Variants in HERC5 observed in about 807,000 individuals in gnomAD.
The protein encoded by HERC5 is HECT and RLD domain containing E3 ubiquitin protein ligase 5.
A neutral mutation model predicts 119.6 loss-of-function variants in HERC5; 99 were observed. The ratio of observed to expected loss-of-function variants is 0.83; its 90% CI spans 0.70 to 0.98. The LOEUF (loss-of-function observed/expected upper bound fraction) is 0.98, where lower values mean the gene tolerates loss of function less well. Among genes scored for constraint, HERC5 ranks in the 50% least tolerant of loss-of-function variants. The pLI is 0.00. For synonymous variants in HERC5, 478 were observed against 445.9 expected, an observed-to-expected ratio of 1.07 and a Z score of -0.91; for missense variants, 1,267 against 1,241.3, an observed-to-expected ratio of 1.02 and a Z score of -0.31.
At position 88,487,095 on chromosome 4, in the gene HERC5, C is replaced by T. The variant is rs111323592; in HGVS notation, c.1878C>T (p.Cys626=). 9.9e-6 allele frequency: 16 copies of T among 1,610,412 alleles called. No individual in the cohort carries two copies. The highest frequency in any genetic ancestry group is 1.8e-4 in the Middle Eastern group (1 of 5,452). Residue 626 remains cysteine, a synonymous_variant, in exon 15 of 23, where the codon TGC becomes TGT. Coordinates refer to ENST00000264350, the MANE Select transcript of HERC5 (RefSeq NM_016323.4). ...ACGCTTCAGAAAATGTACAATGCTGCGTCATATTCAGTCACTTTCCATTTA... is the reference window on the plus strand; with the variant it reads ...ACGCTTCAGAAAATGTACAATGCTGTGTCATATTCAGTCACTTTCCATTTA... ...TVDASENVQC[C]VIFSHFPFIF...
At chr4:88,475,324 CTTTTTTTT>C (rs757780297) in intron 11 of HERC5, among the ~76,000 whole-genome samples, 1 of 123,488 alleles carries the variant, frequency 8.1e-6, no homozygotes, top group Non-Finnish European at 1.7e-5. Flanking sequence ...TTCTTTCTTT[CTTTTTTTT>C]TTTTTTTTTT....
rs771954498 is a variant in HERC5 at position 88,457,387 on chromosome 4, G to T, written c.118G>T (p.Ala40Ser). 10 of 1,408,540 alleles carry T rather than the reference G, an allele frequency of 7.1e-6. No individual in the cohort carries two copies. In the East Asian group the frequency reaches 3.0e-4, roughly 42 times the overall value. The allele number at this position is 1,408,540 out of a possible 1,614,324, so 87.3% of individuals were successfully genotyped here. Residue 40 changes from alanine to serine, a missense_variant, in exon 1 of 23, where the codon GCG (alanine) becomes TCG (serine). Physicochemically the swap from Ala to Ser is moderately conservative, Grantham distance 99. Transcript: ENST00000264350. Reference sequence around the variant, plus strand: ...ACAGCTCTGGCTCTTTCCCAGCGCCGCGGGCCTCCACCGCGCGCTGCTCCG... The same window carrying T: ...ACAGCTCTGGCTCTTTCCCAGCGCCTCGGGCCTCCACCGCGCGCTGCTCCG... ...GAQLWLFPSA[A>S]GLHRALLRRV...
intron 9 of HERC5, among the ~76,000 whole-genome samples, chr4:88,469,835 A>G (rs949700741): frequency 6.6e-6 from 1 of 152,214 alleles, no homozygotes; most frequent in Non-Finnish European, 1.5e-5. Context: ...CTAACCCATC[A>G]CAACTAGCAT....
chr4:88,471,871 G>A (rs1740878930), intron 10 of HERC5, among the ~76,000 whole-genome samples: 1 of 151,796 alleles, frequency 6.6e-6, no homozygotes, highest in Admixed American at 6.6e-5. Context: ...CCTGTGGTCA[G>A]TCCTTTCTTC....
chr4:88,468,397 G>A lies in HERC5; in HGVS notation c.1109G>A (p.Ser370Asn), dbSNP rs1174325473. 6.2e-7 allele frequency: 1 copy of A among 1,611,252 alleles called. No individual in the cohort carries two copies. The highest frequency in any genetic ancestry group is 1.3e-5 in the African/African-American group (1 of 74,796). Residue 370 changes from serine to asparagine, a missense_variant, in exon 8 of 23, where the codon AGC becomes AAC. Around this residue, in one of 3 missense-constraint regions of HERC5, gnomAD observed 777 missense variants for 758.0 expected, o/e 1.03. Coordinates refer to ENST00000264350, the MANE Select transcript of HERC5 (RefSeq NM_016323.4). ...ATAATGATTGCTGGAGGGAATCAAA[G>A]CATTTTGCTCTGGATAAAGAAAGAG... Reference protein sequence around the residue: ...ELIMIAGGNQSILLWIKKENS... With the variant: ...ELIMIAGGNQNILLWIKKENS...
intron 20 of HERC5, among the ~76,000 whole-genome samples, chr4:88,501,631 A>G (rs1276397598): frequency 1.3e-5 from 2 of 152,036 alleles, no homozygotes; most frequent in South Asian, 2.1e-4. Context: ...TAAACTTTGT[A>G]TTGAAGTATA....
At position 88,504,575 on chromosome 4, in the gene HERC5, G is replaced by T; in HGVS notation, c.2847G>T (p.Leu949=). ...GGAAGGCTTTCCACAAATTGACTCTGGAAGAAAAGAAAAAATTCCTTGGTA... is the reference window on the plus strand; with the variant it reads ...GGAAGGCTTTCCACAAATTGACTCTTGAAGAAAAGAAAAAATTCCTTGGTA... ...MFWKAFHKLT[L]EEKKKFLVFL... The change falls in exon 22 of 23, where the codon CTG becomes CTT. Residue 949 remains leucine, a synonymous_variant. Transcript: ENST00000264350. 1 of 1,562,028 alleles carries T rather than the reference G, an allele frequency of 6.4e-7. No individual in the cohort carries two copies. The highest frequency in any genetic ancestry group is 1.2e-5 in the South Asian group (1 of 81,620).
At position 88,457,527 on chromosome 4, in the gene HERC5, GAC is replaced by G. The variant is rs879805787; in HGVS notation, c.259_260del (p.Thr87AlafsTer5). ...TGCTCGCCGGGAGCGGCGGCGCCCG[GAC>G]GCCGAGTGAGTGGGGCTGGTGTGTG... ...QLLAGSGGAR[T>X]PKCIKLGKNM... is the part of the protein sequence containing the mutation. On this transcript the variant is annotated frameshift_variant, in exon 1 of 23. Transcript: ENST00000264350. LOFTEE classifies it high-confidence loss of function. The G allele has an allele frequency of 4.7e-6, 6 of 1,268,914 alleles. No homozygotes were observed. The highest frequency in any genetic ancestry group is 6.0e-6 in the Non-Finnish European group (6 of 1,007,034). The allele number at this position is 1,268,914 out of a possible 1,614,324, so 78.6% of individuals were successfully genotyped here. A position where few individuals can be genotyped will look rare whatever the true frequency, so the allele number is the denominator to read the frequency against.
In HERC5 at chr4:88,505,908, G is replaced by A. The variant is rs76603756; in HGVS notation, c.*30G>A. On this transcript the variant is annotated 3_prime_UTR_variant, in exon 23 of 23. Coordinates refer to ENST00000264350, the MANE Select transcript of HERC5 (RefSeq NM_016323.4). The stretch of plus-strand genomic sequence containing the variant: ...CTTGCTTGTCCAACAGCCTTATTTT[G>A]TTGTTGTTATCGTTGTTGTTGTTGT... The A allele has an allele frequency of 3.9e-6, 6 of 1,532,578 alleles. No individual in the cohort carries two copies. Among genetic ancestry groups the A allele is most frequent in the Non-Finnish European group, 5.4e-6 (6 of 1,119,966 alleles). The allele number at this position is 1,532,578 out of a possible 1,614,324, so 94.9% of individuals were successfully genotyped here. A position where few individuals can be genotyped will look rare whatever the true frequency, so the allele number is the denominator to read the frequency against.
chr4:88,467,334 T>G, intron 7 of HERC5, 130 bp downstream of exon 7: 2 of 858,712 alleles, frequency 2.3e-6, no homozygotes, highest in African/African-American at 1.7e-5. Context: ...TGGTTTCATT[T>G]TTTACTGGTA....
rs1741492189 is a variant in HERC5, at chr4:88,487,158, A to G, written c.1941A>G (p.Thr647=). 4 of 1,574,572 alleles carry G rather than the reference A, an allele frequency of 2.5e-6. No individual in the cohort carries two copies. The highest frequency in any genetic ancestry group is 1.7e-5 in the Admixed American group (1 of 59,784). ...TGTCGAAAATTAAACTACTACATAC[A>G]GACACACTTTTAAAAATAGAGGTAT... The part of the protein sequence containing the change: ...NNLSKIKLLH[T]DTLLKIESKK... The change falls in exon 15 of 23, where the codon ACA becomes ACG. Residue 647 remains threonine, a synonymous_variant. Transcript: ENST00000264350.
chr4:88,475,364 C>T (rs191254671), intron 11 of HERC5, among the ~76,000 whole-genome samples: 10 of 139,148 alleles, frequency 7.2e-5, no homozygotes, highest in Admixed American at 6.9e-4. Flanking sequence ...TTGCTCTGTG[C>T]CTGGAGTGCA....
chr4:88,457,492 G>T lies in HERC5; in HGVS notation c.223G>T (p.Val75Phe), dbSNP rs756449535. ...VLERGGAGVQ[V>F]HQLLAGSGGA... is the part of the protein sequence containing the mutation. ...GGAACGCGGCGGGGCGGGCGTCCAGGTTCACCAGCTGCTCGCCGGGAGCGG... is the reference window on the plus strand; with the variant it reads ...GGAACGCGGCGGGGCGGGCGTCCAGTTTCACCAGCTGCTCGCCGGGAGCGG... Residue 75 changes from valine (V) to phenylalanine (F), a missense_variant, in exon 1 of 23, where the codon GTT (valine) becomes TTT (phenylalanine). Coordinates refer to ENST00000264350, the MANE Select transcript of HERC5 (RefSeq NM_016323.4). 1 of 1,318,800 alleles carries T rather than the reference G, an allele frequency of 7.6e-7. No individual in the cohort carries two copies. The highest frequency in any genetic ancestry group is 9.7e-7 in the Non-Finnish European group (1 of 1,035,120). The allele number at this position is 1,318,800 out of a possible 1,614,324, so 81.7% of individuals were successfully genotyped here.
At chr4:88,491,755 A>G (rs1459088617) in intron 16 of HERC5, among the ~76,000 whole-genome samples, 2 of 151,940 alleles carry the variant, frequency 1.3e-5, no homozygotes, top group African/African-American at 4.8e-5. Flanking sequence ...TATTGGAGAC[A>G]ATGTGTTGGG....
intron 9 of HERC5, among the ~76,000 whole-genome samples, chr4:88,470,057 C>T (rs1226785200): frequency 6.6e-6 from 1 of 152,232 alleles, no homozygotes; most frequent in Admixed American, 6.5e-5. Flanking sequence ...TTACAGAACT[C>T]CTACCTATTC....
At chr4:88,461,704 T>C (rs1200866667) in intron 3 of HERC5, among the ~76,000 whole-genome samples, 1 of 152,232 alleles carries the variant, frequency 6.6e-6, no homozygotes, top group African/African-American at 2.4e-5. Flanking sequence ...CAGTTGTTTA[T>C]TTGGGATCTT....
At chr4:88,476,770 A>C (rs1741078140) in intron 12 of HERC5, among the ~76,000 whole-genome samples, 2 of 151,886 alleles carry the variant, frequency 1.3e-5, no homozygotes, top group South Asian at 4.2e-4. Context: ...AAAATACAAA[A>C]ATTAACTGGA....
At chr4:88,463,497 T>C in intron 4 of HERC5, 35 bp from the exon 5 acceptor site, 1 of 1,438,624 alleles carries the variant, frequency 7.0e-7, no homozygotes, top group Non-Finnish European at 9.8e-7. Flanking sequence ...CAGCATTTCC[T>C]TTTGGTCACT....
At chr4:88,476,643 G>A (rs1257817121) in intron 12 of HERC5, among the ~76,000 whole-genome samples, 2 of 152,050 alleles carry the variant, frequency 1.3e-5, no homozygotes, top group African/African-American at 4.8e-5. Context: ...GAATCTGGCC[G>A]GGCACGGTGG....
Sources: gnomAD v4.1 joint callset for allele counts (sites outside exome capture counted in the v4.1 genomes callset) on GRCh38, gnomAD v4.1.1 for gene constraint, gnomAD v4.1.1 regional missense constraint, MANE v1.5 for transcripts, NCBI Gene and HGNC (gene_info 2026-07-23, HGNC 2026-07-21) for gene names.